Variants in PCDH15 observed in about 807,000 individuals in gnomAD.
PCDH15 encodes the protein protocadherin related 15, also known as protocadherin-15.
In PCDH15, 129 loss-of-function variants were observed where a neutral mutation model predicts 178.5. The observed-to-expected ratio is 0.72, with a 90% CI of 0.63 to 0.84. PCDH15 has a LOEUF of 0.84. PCDH15 is among the 40% of genes least tolerant of loss of function. The pLI is 0.00. For missense variants in PCDH15, 2,230 were observed against 2,099.9 expected (o/e 1.06, Z -1.21); for synonymous variants, 800 against 732.0 (o/e 1.09, Z -1.50).
chr10:54,844,370 G>T (rs1275595764), intron 3 of PCDH15, among the ~76,000 whole-genome samples: 1 of 151,986 alleles, frequency 6.6e-6, no homozygotes, highest in African/African-American at 2.4e-5. Flanking sequence ...GTTAACTGGA[G>T]CCCTGCTATT....
At chr10:54,348,981 A>C (rs1461069047) in intron 5 of PCDH15, among the ~76,000 whole-genome samples, 1 of 152,104 alleles carries the variant, frequency 6.6e-6, no homozygotes, top group Non-Finnish European at 1.5e-5. Context: ...TTTATCCATA[A>C]TTTTCAAACT....
chr10:55,348,864 T>C (rs1844833145), intron 2 of PCDH15, among the ~76,000 whole-genome samples: 1 of 152,114 alleles, frequency 6.6e-6, no homozygotes, highest in South Asian at 2.1e-4. Context: ...GGATTTTGGA[T>C]TATACAATGA....
intron 8 of PCDH15, among the ~76,000 whole-genome samples, chr10:54,292,518 G>C (rs2059485992): frequency 6.6e-6 from 1 of 152,186 alleles, no homozygotes; most frequent in Non-Finnish European, 1.5e-5. Flanking sequence ...ATTAGGAAAA[G>C]AAGAAGTTAA....
intron 2 of PCDH15, among the ~76,000 whole-genome samples, chr10:55,086,004 C>G (rs1004357223): frequency 3.3e-5 from 5 of 151,532 alleles, no homozygotes; most frequent in African/African-American, 1.2e-4. Flanking sequence ...TAATATTCAA[C>G]TATTCTTAAA....
intron 1 of PCDH15, among the ~76,000 whole-genome samples, chr10:54,793,206 C>A (rs975682150): frequency 1.3e-5 from 2 of 151,858 alleles, no homozygotes; most frequent in East Asian, 3.9e-4. Context: ...TGCGCTTTAT[C>A]CCCACCCTTG....
At chr10:54,599,350 C>T (rs926495826) in intron 2 of PCDH15, among the ~76,000 whole-genome samples, 20 of 152,090 alleles carry the variant, frequency 1.3e-4, no homozygotes, top group African/African-American at 4.6e-4. Context: ...AGAAATAAGT[C>T]TGTACAGCTA....
chr10:54,216,874 A>G (rs1318926585), intron 9 of PCDH15, among the ~76,000 whole-genome samples: 3 of 152,224 alleles, frequency 2.0e-5, no homozygotes, highest in Non-Finnish European at 4.4e-5. Context: ...AAATGGTGAT[A>G]CATCCTAAAG....
chr10:55,428,796 G>A (rs1417908024), intron 2 of PCDH15, among the ~76,000 whole-genome samples: 1 of 151,608 alleles, frequency 6.6e-6, no homozygotes, highest in African/African-American at 2.4e-5. Context: ...TATACATTTT[G>A]TGCACTCTCA....
In PCDH15 at chr10:54,770,467, A is replaced by C. The variant is rs562487418; in HGVS notation, c.-29+30458T>G. On this transcript the variant is annotated intron_variant, in intron 1 of 37. Coordinates refer to ENST00000644397, the MANE Select transcript of PCDH15 (RefSeq NM_001384140.1). ...AGAGTAAAATCTGAAGGCTGACACT[A>C]ACAGAGCCATCCTTTTCAGAAAGTA... Among the ~76,000 whole-genome samples the C allele has an allele frequency of 7.9e-5, 12 of 152,244 alleles. No homozygotes were observed. The East Asian group carries it at 2.1e-3, about 27-fold the overall frequency.
chr10:54,575,067 A>G (rs10430481), intron 2 of PCDH15, among the ~76,000 whole-genome samples: 124,308 of 130,402 alleles, frequency 0.95, 59,350 homozygotes, highest in Middle Eastern at 0.98. Flanking sequence ...ACCAAGCACC[A>G]CATATTCTCA....
chr10:54,102,246 T>C (rs2094826207), intron 15 of PCDH15, among the ~76,000 whole-genome samples: 1 of 152,206 alleles, frequency 6.6e-6, no homozygotes, highest in African/African-American at 2.4e-5. Flanking sequence ...CTAGGCTATC[T>C]GCCCATGAAG....
At chr10:55,217,737 A>T (rs1341333877) in intron 1 of PCDH15, among the ~76,000 whole-genome samples, 3 of 151,988 alleles carry the variant, frequency 2.0e-5, no homozygotes. Context: ...AAGAAAAAAA[A>T]ACTGCTAGCC....
intron 3 of PCDH15, among the ~76,000 whole-genome samples, chr10:54,400,376 G>A (rs1483091086): frequency 6.6e-6 from 1 of 151,926 alleles, no homozygotes; most frequent in East Asian, 1.9e-4. Context: ...AAAATAAACG[G>A]ATAAAGCTAC....
intron 28 of PCDH15, among the ~76,000 whole-genome samples, chr10:53,840,704 G>C (rs1308102910): frequency 1.3e-5 from 2 of 152,180 alleles, no homozygotes; most frequent in East Asian, 3.8e-4. Flanking sequence ...GAATACGGTA[G>C]AAAAGGTCAC....
intron 3 of PCDH15, among the ~76,000 whole-genome samples, chr10:54,831,247 A>C (rs185325298): frequency 2.4e-4 from 36 of 152,216 alleles, no homozygotes; most frequent in Admixed American, 9.2e-4. Context: ...TGCTCTTAAT[A>C]TTTTATTTTT....
At chr10:54,573,803 C>G (rs2090130176) in intron 2 of PCDH15, among the ~76,000 whole-genome samples, 1 of 152,168 alleles carries the variant, frequency 6.6e-6, no homozygotes, top group Non-Finnish European at 1.5e-5. Flanking sequence ...GTCCTGTGAA[C>G]ACTAGCCTCA....
At chr10:55,522,271 A>C (rs1003411228) in intron 2 of PCDH15, among the ~76,000 whole-genome samples, 1 of 151,870 alleles carries the variant, frequency 6.6e-6, no homozygotes, top group Admixed American at 6.6e-5. Context: ...TATGGTTTTA[A>C]TTCGCATTTC....
At chr10:54,385,512 A>T (rs1565144553) in intron 3 of PCDH15, among the ~76,000 whole-genome samples, 1 of 152,092 alleles carries the variant, frequency 6.6e-6, no homozygotes, top group African/African-American at 2.4e-5. Context: ...AAATTCTGTC[A>T]TTTTTTTCTA....
At chr10:54,211,635 T>C (rs2051445856) in intron 10 of PCDH15, among the ~76,000 whole-genome samples, 1 of 152,022 alleles carries the variant, frequency 6.6e-6, no homozygotes, top group African/African-American at 2.4e-5. Flanking sequence ...TTCTTCAAAA[T>C]GTAGGAGAAG....
Sources: gnomAD v4.1 joint callset for allele counts (sites outside exome capture counted in the v4.1 genomes callset) on GRCh38, gnomAD v4.1.1 for gene constraint, MANE v1.5 for transcripts, NCBI Gene and HGNC (gene_info 2026-07-23, HGNC 2026-07-21) for gene names.